Variants in SMIM14 observed in about 807,000 individuals in gnomAD.
SMIM14 encodes the protein small integral membrane protein 14, also known as chromosome 4 open reading frame 34.
In SMIM14, 5 loss-of-function variants were observed where a neutral mutation model predicts 12.6. That is an observed-to-expected ratio of 0.40 (90% CI 0.21 to 0.83). SMIM14 has a LOEUF of 0.83. Among genes scored for constraint, SMIM14 ranks in the 40% least tolerant of loss-of-function variants. The pLI, the probability that SMIM14 is intolerant of heterozygous loss-of-function variation, is 0.37. For synonymous variants in SMIM14, 30 were observed against 40.1 expected (o/e 0.75, Z 0.95); for missense variants, 86 against 119.1 (o/e 0.72, Z 1.29).
At chr4:39,622,971 G>C (rs973171631) in intron 1 of SMIM14, among the ~76,000 whole-genome samples, 1 of 152,072 alleles carries the variant, frequency 6.6e-6, no homozygotes, top group Non-Finnish European at 1.5e-5. Context: ...GCAGGGGAAC[G>C]GTTACAGATT....
At chr4:39,563,026 T>C (rs1269840426) in intron 3 of SMIM14, among the ~76,000 whole-genome samples, 1 of 151,976 alleles carries the variant, frequency 6.6e-6, no homozygotes, top group Non-Finnish European at 1.5e-5. Flanking sequence ...TCTCAGAAAA[T>C]GCATCCTCTG....
chr4:39,568,928 C>T (rs779627167), intron 3 of SMIM14, among the ~76,000 whole-genome samples: 5 of 152,096 alleles, frequency 3.3e-5, no homozygotes, highest in African/African-American at 4.8e-5. Flanking sequence ...CAAAGTTTCA[C>T]CTTTCTTTTT....
chr4:39,610,360 C>CCT (rs1448037927), intron 1 of SMIM14, among the ~76,000 whole-genome samples: 2 of 152,076 alleles, frequency 1.3e-5, no homozygotes, highest in Non-Finnish European at 2.9e-5. Context: ...ACAGTATCCA[C>CCT]AAATTGACCC....
intron 1 of SMIM14, among the ~76,000 whole-genome samples, chr4:39,608,106 C>T (rs565522403): frequency 1.3e-5 from 2 of 152,274 alleles, no homozygotes; most frequent in African/African-American, 4.8e-5. Context: ...TTGAAAGTTC[C>T]TCAAAAGTTA....
At chr4:39,563,120 G>C (rs1712400477) in intron 3 of SMIM14, among the ~76,000 whole-genome samples, 1 of 151,940 alleles carries the variant, frequency 6.6e-6, no homozygotes, top group Non-Finnish European at 1.5e-5. Flanking sequence ...GAGTGCAATG[G>C]CACAATCTCT....
chr4:39,583,473 A>C (rs1713619464), intron 2 of SMIM14, among the ~76,000 whole-genome samples: 1 of 152,080 alleles, frequency 6.6e-6, no homozygotes, highest in Admixed American at 6.6e-5. Flanking sequence ...TTGGAAACAT[A>C]GTCACAAAAC....
intron 2 of SMIM14, among the ~76,000 whole-genome samples, chr4:39,582,604 C>T (rs765368398): frequency 1.8e-4 from 27 of 150,914 alleles, no homozygotes; most frequent in Non-Finnish European, 2.8e-4. Context: ...GCAGAGGTTG[C>T]AGTGAGCCAA....
At chr4:39,575,007 T>C (rs951063427) in intron 2 of SMIM14, among the ~76,000 whole-genome samples, 2 of 151,468 alleles carry the variant, frequency 1.3e-5, no homozygotes, top group Admixed American at 6.6e-5. Context: ...CTGGTGGTAG[T>C]AGACCTTGTT....
intron 2 of SMIM14, among the ~76,000 whole-genome samples, chr4:39,592,236 G>C (rs1376920032): frequency 6.7e-6 from 1 of 148,366 alleles, no homozygotes; most frequent in Non-Finnish European, 1.5e-5. Context: ...TAGACAGATA[G>C]ATAGATAGTC....
intron 2 of SMIM14, among the ~76,000 whole-genome samples, chr4:39,583,229 T>C (rs991103034): frequency 6.6e-6 from 1 of 152,030 alleles, no homozygotes; most frequent in African/African-American, 2.4e-5. Flanking sequence ...GTTGGGACTA[T>C]AGGCACATGC....
At chr4:39,607,451 G>A (rs1388767582) in intron 1 of SMIM14, among the ~76,000 whole-genome samples, 1 of 152,142 alleles carries the variant, frequency 6.6e-6, no homozygotes, top group African/African-American at 2.4e-5. Flanking sequence ...CTTATGCTAA[G>A]CCTATTAGAA....
In SMIM14 at chr4:39,550,754, A is replaced by G. The variant is rs1483062082; in HGVS notation, c.*1372T>C. 2.6e-5 allele frequency: 4 copies of G among 152,230 alleles called. No homozygotes were observed. Among genetic ancestry groups the G allele is most frequent in the African/African-American group, 9.6e-5 (4 of 41,456 alleles). The allele number at this position is 152,230 out of a possible 1,614,324, so 9.4% of individuals were successfully genotyped here. A position where few individuals can be genotyped will look rare whatever the true frequency, so the allele number is the denominator to read the frequency against. ...GAGATAAGGAGTGAAAAAAAGATGT[A>G]TGTTTCTCATTTTCCTTCTTTTCCC... On this transcript the variant is annotated 3_prime_UTR_variant, in exon 5 of 5. Transcript: ENST00000295958.
At chr4:39,571,827 G>A (rs890026944) in intron 3 of SMIM14, among the ~76,000 whole-genome samples, 3 of 151,228 alleles carry the variant, frequency 2.0e-5, no homozygotes, top group Non-Finnish European at 2.9e-5. Flanking sequence ...TTTGAGACAG[G>A]GTCTCACTCC....
intron 1 of SMIM14, among the ~76,000 whole-genome samples, chr4:39,630,119 T>G (rs985996979): frequency 2.0e-5 from 3 of 152,126 alleles, no homozygotes; most frequent in African/African-American, 7.2e-5. Context: ...AGAAGCAGAG[T>G]GCTGAGCGCA....
intron 2 of SMIM14, chr4:39,593,708 A>G (rs1238567192): frequency 6.6e-6 from 1 of 151,070 alleles, no homozygotes; most frequent in Non-Finnish European, 1.5e-5. Context: ...GCAAAGTCTC[A>G]GGATACAAAA....
At chr4:39,584,109 A>G (rs1427771903) in intron 2 of SMIM14, among the ~76,000 whole-genome samples, 1 of 151,974 alleles carries the variant, frequency 6.6e-6, no homozygotes, top group African/African-American at 2.4e-5. Flanking sequence ...CAGTGTTTCA[A>G]CTGGGAAACC....
At chr4:39,604,107 A>G (rs539710201) in intron 2 of SMIM14, among the ~76,000 whole-genome samples, 2 of 152,320 alleles carry the variant, frequency 1.3e-5, no homozygotes, top group Non-Finnish European at 2.9e-5. Context: ...GGAACTGTCA[A>G]TAGCAGCTTA....
intron 2 of SMIM14, 142 bp from the exon 3 acceptor site, chr4:39,572,605 T>C (rs970561668): frequency 1.5e-6 from 1 of 661,872 alleles, no homozygotes; most frequent in Non-Finnish European, 2.7e-6. Context: ...GTGGATTGTT[T>C]GAGCTCAGAC....
At chr4:39,578,405 T>A (rs1249351662) in intron 2 of SMIM14, among the ~76,000 whole-genome samples, 2 of 152,190 alleles carry the variant, frequency 1.3e-5, no homozygotes, top group Non-Finnish European at 2.9e-5. Flanking sequence ...GAGAAAACAT[T>A]GGTACCACTG....
Sources: gnomAD v4.1 joint callset for allele counts (sites outside exome capture counted in the v4.1 genomes callset) on GRCh38, gnomAD v4.1.1 for gene constraint, MANE v1.5 for transcripts, NCBI Gene and HGNC (gene_info 2026-07-23, HGNC 2026-07-21) for gene names.